CROT: variants seen among roughly 807,000 people sequenced by gnomAD.
CROT encodes the protein carnitine O-octanoyltransferase.
CROT carries 84 observed loss-of-function variants against 89.2 expected under a neutral mutation model. The observed-to-expected ratio is 0.94, with a 90% confidence interval of 0.79 to 1.13. The LOEUF is 1.13. Ranked by LOEUF, CROT falls within the 50% of genes most tolerant of loss-of-function variation. The pLI, the probability that CROT is intolerant of heterozygous loss-of-function variation, is 0.00. For missense variants in CROT, 711 were observed against 727.8 expected (o/e 0.98, Z 0.27); for synonymous variants, 212 against 239.5 (o/e 0.89, Z 1.06).
At chr7:87,361,190 T>TCACTCAA (rs1806256214) in intron 4 of CROT, among the ~76,000 whole-genome samples, 200 bp from the exon 5 acceptor site, 1 of 151,960 alleles carries the variant, frequency 6.6e-6, no homozygotes, top group African/African-American at 2.4e-5. Context: ...CTCTAGGTCC[T>TCACTCAA]GGACTCAAGT....
chr7:87,357,629 A>G, intron 3 of CROT: 1 of 819,674 alleles, frequency 1.2e-6, no homozygotes. Flanking sequence ...CAGCTTATTG[A>G]AAGCTACTCC....
intron 6 of CROT, among the ~76,000 whole-genome samples, chr7:87,367,628 C>T (rs1331775101): frequency 6.6e-6 from 1 of 152,190 alleles, no homozygotes; most frequent in Non-Finnish European, 1.5e-5. Flanking sequence ...TACAGATGAA[C>T]TCCTCTGACT....
At chr7:87,385,730 G>A (rs577310140) in intron 13 of CROT, among the ~76,000 whole-genome samples, 66 of 152,176 alleles carry the variant, frequency 4.3e-4, no homozygotes, top group Non-Finnish European at 8.2e-4. Context: ...TAAAAGTGGT[G>A]AAAGTAGGCA....
chr7:87,387,594 A>G (rs530222778), intron 13 of CROT, among the ~76,000 whole-genome samples: 1 of 152,120 alleles, frequency 6.6e-6, no homozygotes, highest in Admixed American at 6.5e-5. Context: ...CACATTTTGT[A>G]TATGTATTAT....
chr7:87,358,481 C>CA (rs11405316), intron 3 of CROT, among the ~76,000 whole-genome samples: 67,403 of 95,636 alleles, frequency 0.7, 23,141 homozygotes, highest in South Asian at 0.78. Flanking sequence ...GACTCCATCT[C>CA]AAAAAAAAAA....
intron 7 of CROT, among the ~76,000 whole-genome samples, chr7:87,373,831 A>C (rs1320139319): frequency 6.6e-6 from 1 of 152,112 alleles, no homozygotes; most frequent in Non-Finnish European, 1.5e-5. Flanking sequence ...TGTAAGGAGA[A>C]CAAATGGTCA....
rs549836096 is a variant in CROT at position 87,398,126 on chromosome 7, T to C, written c.1719-398T>C. 3.7e-4 allele frequency among the ~76,000 whole-genome samples: 56 copies of C among 151,784 alleles called. No homozygotes were observed. The South Asian group carries it at 0.011, about 30-fold the overall frequency. On this transcript the variant is annotated intron_variant, in intron 17 of 17. Coordinates refer to ENST00000331536, the MANE Select transcript of CROT (RefSeq NM_021151.4). The stretch of plus-strand genomic sequence containing the variant: ...GCCTTTTTTTTTTTTTCAAACTTTC[T>C]TCAAGTACTCTTTAAAAACAGTTTA...
chr7:87,373,862 G>C (rs193041739), intron 7 of CROT, among the ~76,000 whole-genome samples: 1 of 152,076 alleles, frequency 6.6e-6, no homozygotes, highest in Non-Finnish European at 1.5e-5. Flanking sequence ...CTTCAGTGAC[G>C]TATGGAGACG....
At chr7:87,396,487 T>G (rs1057088347) in intron 17 of CROT, among the ~76,000 whole-genome samples, 2 of 152,156 alleles carry the variant, frequency 1.3e-5, no homozygotes, top group African/African-American at 4.8e-5. Context: ...CCTTCTATGA[T>G]AGGAGCATTG....
At chr7:87,347,071 A>G (rs1283721728) in intron 2 of CROT, among the ~76,000 whole-genome samples, 3 of 152,228 alleles carry the variant, frequency 2.0e-5, no homozygotes, top group African/African-American at 7.2e-5. Flanking sequence ...CTTCAAAGAC[A>G]CCACAAATCC....
At chr7:87,383,229 A>G (rs530547099) in intron 13 of CROT, among the ~76,000 whole-genome samples, 5 of 152,258 alleles carry the variant, frequency 3.3e-5, no homozygotes, top group Non-Finnish European at 7.4e-5. Context: ...CTGTACCATT[A>G]TACCCATTAG....
chr7:87,393,665 T>C (rs31645), intron 17 of CROT, among the ~76,000 whole-genome samples: 138,353 of 152,204 alleles, frequency 0.91, 63,149 homozygotes, highest in African/African-American at 0.97. Flanking sequence ...TTACAGGGGC[T>C]TTTCAAAGCA....
In CROT at chr7:87,377,046, AC is replaced by A. The variant is rs201773722; in HGVS notation, c.877-302del. Among the ~76,000 whole-genome samples the A allele has an allele frequency of 2.9e-3, 448 of 152,282 alleles. 3 individuals carry two copies. The highest frequency in any genetic ancestry group is 0.01 in the African/African-American group (419 of 41,578). On this transcript the variant is annotated intron_variant, in intron 9 of 17. Transcript: ENST00000331536. The stretch of plus-strand genomic sequence containing the variant: ...CAAGATCTTTTATCCTATTCAAGTT[AC>A]AAAACCCTTATCCTCTCAATTCTAT...
intron 5 of CROT, 36 bp from the exon 6 acceptor site, chr7:87,361,691 TA>T (rs1280549039): frequency 1.3e-6 from 2 of 1,550,138 alleles, no homozygotes; most frequent in African/African-American, 1.4e-5. Flanking sequence ...TTTTAAATTT[TA>T]TAATGACTTT....
At position 87,379,659 on chromosome 7, in the gene CROT, G is replaced by T. The variant is rs1042570357; in HGVS notation, c.978+2209G>T. Reference sequence around the variant, plus strand: ...ACTGAACTGCTTTTTTATAGTGTGCGGACATGTTTTATGTGTGTGCATTAA... The same window carrying T: ...ACTGAACTGCTTTTTTATAGTGTGCTGACATGTTTTATGTGTGTGCATTAA... On this transcript the variant is annotated intron_variant, in intron 10 of 17. Coordinates refer to ENST00000331536, the MANE Select transcript of CROT (RefSeq NM_021151.4). Among the ~76,000 whole-genome samples the T allele has an allele frequency of 2.6e-5, 4 of 152,116 alleles. No individual in the cohort carries two copies. In the South Asian group the frequency reaches 8.3e-4, roughly 32 times the overall value.
intron 13 of CROT, among the ~76,000 whole-genome samples, chr7:87,390,399 C>G (rs555249441): frequency 8.5e-5 from 13 of 152,232 alleles, no homozygotes; most frequent in African/African-American, 3.1e-4. Context: ...TTTTATTACT[C>G]ATTTTTACTG....
At chr7:87,383,918 C>T (rs1376297216) in intron 13 of CROT, among the ~76,000 whole-genome samples, 1 of 152,032 alleles carries the variant, frequency 6.6e-6, no homozygotes, top group African/African-American at 2.4e-5. Context: ...GATTTCCTTT[C>T]TCTTGGATAT....
chr7:87,388,749 T>C (rs988078695), intron 13 of CROT, among the ~76,000 whole-genome samples: 35 of 152,118 alleles, frequency 2.3e-4, no homozygotes, highest in African/African-American at 7.5e-4. Context: ...ACAAAATCAA[T>C]GGCAACAAAA....
At chr7:87,366,020 T>A (rs1476573104) in intron 6 of CROT, among the ~76,000 whole-genome samples, 1 of 152,206 alleles carries the variant, frequency 6.6e-6, no homozygotes, top group East Asian at 1.9e-4. Context: ...GTTCATGTTA[T>A]CCCTTGTCAG....
Sources: gnomAD v4.1 joint callset for allele counts (sites outside exome capture counted in the v4.1 genomes callset) on GRCh38, gnomAD v4.1.1 for gene constraint, MANE v1.5 for transcripts, NCBI Gene and HGNC (gene_info 2026-07-23, HGNC 2026-07-21) for gene names.